The following POM121L2 variants were observed in gnomAD, a reference collection of about 807,000 sequenced individuals.
POM121L2 encodes POM121 transmembrane nucleoporin like 2.
For missense variants in POM121L2, 1,167 were observed against 1,260.3 expected (o/e 0.93, Z 1.12); for synonymous variants, 459 against 483.8 (o/e 0.95, Z 0.67).
At position 27,312,227 on chromosome 6, in the gene POM121L2, C is replaced by A; in HGVS notation, c.-57G>T. On this transcript the variant is annotated 5_prime_UTR_variant, in exon 1 of 1. Coordinates refer to ENST00000444565, the MANE Select transcript of POM121L2 (RefSeq NM_033482.4). The surrounding 1 kb of genome is among the most constrained non-coding windows in gnomAD (Gnocchi z 6.7). ...AGCACGGTTTTGGCTTCCGAGGTTT[C>A]GGACGTCTGCAGAATCGGACAGAGT... is the stretch of plus-strand genomic sequence containing the variant. 1 of 1,087,752 alleles carries A rather than the reference C, an allele frequency of 9.2e-7. No homozygotes were observed. The allele number at this position is 1,087,752 out of a possible 1,614,324, so 67.4% of individuals were successfully genotyped here. A position where few individuals can be genotyped will look rare whatever the true frequency, so the allele number is the denominator to read the frequency against.
rs1459830350 is a variant in POM121L2, at chr6:27,309,944, G to A, written c.2227C>T (p.Pro743Ser). The A allele has an allele frequency of 3.2e-6, 5 of 1,551,830 alleles. No individual in the cohort carries two copies. Among genetic ancestry groups the A allele is most frequent in the Non-Finnish European group, 4.4e-6 (5 of 1,147,032 alleles). ...GCTGGAGTCAGGTTGGAGATGCTGG[G>A]GGTTGATGCAAGCCAGTTTGTGGAT... ...LVSTNWLAST[P>S]SISNLTPAIT... is the part of the protein sequence containing the mutation. The change falls in exon 1 of 1, where the codon CCC becomes TCC. Residue 743 changes from proline (P) to serine (S), a missense_variant. Pro to Ser is a moderately conservative substitution (Grantham distance 74, BLOSUM62 -1). Transcript: ENST00000444565.
rs1760718491 is a variant in POM121L2, at chr6:27,309,754, A to G, written c.2417T>C (p.Val806Ala). The change falls in exon 1 of 1, where the codon GTG becomes GCG. Residue 806 changes from valine (V) to alanine (A), a missense_variant. Coordinates refer to ENST00000444565, the MANE Select transcript of POM121L2 (RefSeq NM_033482.4). ...AGTTGGCATGGGGGTTGGCAATGCCACTGCTGAGCTCCCAAAAAGAAAAGA... is the reference window on the plus strand; with the variant it reads ...AGTTGGCATGGGGGTTGGCAATGCCGCTGCTGAGCTCCCAAAAAGAAAAGA... The part of the protein sequence containing the change: ...SSSFLFGSSA[V>A]ALPTPMPTPA... 1 of 1,551,556 alleles carries G rather than the reference A, an allele frequency of 6.4e-7. No individual in the cohort carries two copies. Among genetic ancestry groups the G allele is most frequent in the African/African-American group, 1.4e-5 (1 of 73,032 alleles).
At position 27,312,072 on chromosome 6, in the gene POM121L2, C is replaced by A; in HGVS notation, c.99G>T (p.Gln33His). Residue 33 changes from glutamine to histidine, a missense_variant, in exon 1 of 1, where the codon CAG becomes CAT. Gln to His is a conservative substitution (Grantham distance 24). Transcript: ENST00000444565. The surrounding 1 kb of genome is among the most constrained non-coding windows in gnomAD (Gnocchi z 6.7). ...GAACCCGATGAACTTGGTGAAGGGGCTGAGGTGGCCGGCGTTTCGTGGGCC... is the reference window on the plus strand; with the variant it reads ...GAACCCGATGAACTTGGTGAAGGGGATGAGGTGGCCGGCGTTTCGTGGGCC... ...PERPTKRRPP[Q>H]PLHQVHRVQF... 6.7e-7 allele frequency: 1 copy of A among 1,499,970 alleles called. No homozygotes were observed. Among genetic ancestry groups the A allele is most frequent in the Non-Finnish European group, 8.9e-7 (1 of 1,121,860 alleles). 92.9% of individuals were successfully genotyped at this position (1,499,970 alleles called of 1,614,324 possible).
chr6:27,310,013 T>G lies in POM121L2; in HGVS notation c.2158A>C (p.Asn720His). ...AGAGGGCTGCCCATACCCCTGAAATTAGCAGTGCTGCTTCTAGGGGATATC... is the reference window on the plus strand; with the variant it reads ...AGAGGGCTGCCCATACCCCTGAAATGAGCAGTGCTGCTTCTAGGGGATATC... ...VQISPRSSTA[N>H]FRGMGSPLPA... is the part of the protein sequence containing the mutation. Residue 720 changes from asparagine to histidine, a missense_variant, in exon 1 of 1, where the codon AAT becomes CAT. Asn to His is a moderately conservative substitution (Grantham distance 68, BLOSUM62 1). Coordinates refer to ENST00000444565, the MANE Select transcript of POM121L2 (RefSeq NM_033482.4). The G allele has an allele frequency of 2.6e-6, 4 of 1,552,052 alleles. No individual in the cohort carries two copies. The highest frequency in any genetic ancestry group is 3.5e-6 in the Non-Finnish European group (4 of 1,147,068).
In POM121L2 at chr6:27,310,992, T is replaced by TGAAGAAGGCAGAGCAAGAGAC. The variant is rs1196885598; in HGVS notation, c.1158_1178dup (p.Ser387_Ser393dup). 1.5e-4 allele frequency: 232 copies of TGAAGAAGGCAGAGCAAGAGAC among 1,552,136 alleles called. No homozygotes were observed. Among genetic ancestry groups the TGAAGAAGGCAGAGCAAGAGAC allele is most frequent in the Non-Finnish European group, 1.7e-4 (195 of 1,147,124 alleles). The stretch of plus-strand genomic sequence containing the variant: ...TTGCTCCCTGGGTTAGATCTGTTTC[T>TGAAGAAGGCAGAGCAAGAGAC]GAAGAAGGCAGAGCAAGAGACAAGG... On this transcript the variant is annotated inframe_insertion, in exon 1 of 1. Transcript: ENST00000444565.
chr6:27,311,423 T>C lies in POM121L2; in HGVS notation c.748A>G (p.Ser250Gly), dbSNP rs1230768248. 6 of 1,551,730 alleles carry C rather than the reference T, an allele frequency of 3.9e-6. No individual in the cohort carries two copies. Among genetic ancestry groups the C allele is most frequent in the East Asian group, 2.4e-5 (1 of 40,938 alleles). Residue 250 changes from serine (S) to glycine (G), a missense_variant, in exon 1 of 1, where the codon AGC becomes GGC. By Grantham distance (56) the Ser-to-Gly change is moderately conservative. Transcript: ENST00000444565. ...LASIYRGGTL[S>G]SKRNAIGSSY... ...CTGCCAATAGCATTCCTTTTGGAGC[T>C]GAGGGTGCCACCTCTGTATATGCTG...
Position 27,310,914 on chromosome 6 carries a change from G to A in POM121L2, c.1257C>T (p.Ala419=), listed in dbSNP as rs1019268160. The A allele has an allele frequency of 7.7e-6, 12 of 1,551,746 alleles. No homozygotes were observed. The African/African-American group carries it at 1.2e-4, about 16-fold the overall frequency. Residue 419 remains alanine (A), a synonymous_variant, in exon 1 of 1, where the codon GCC becomes GCT. Coordinates refer to ENST00000444565, the MANE Select transcript of POM121L2 (RefSeq NM_033482.4). The stretch of plus-strand genomic sequence containing the variant: ...TTGCCTCTCCCGTGGACTGTGGAGA[G>A]GCCAGTGGACCTAGAGACTTCTGCA... ...RKMQKSLGPL[A]SPQSTGEATS...
chr6:27,311,618 T>A (rs1316352044), upstream of POM121L2: 1 of 1,551,670 alleles, frequency 6.4e-7, no homozygotes, highest in East Asian at 2.4e-5. Context: ...CTCCTTCTCT[T>A]ACTGTCCAGA....
rs367780723 is a variant in POM121L2, at chr6:27,311,530, G to C, written c.641C>G (p.Pro214Arg). 2 of 1,551,628 alleles carry C rather than the reference G, an allele frequency of 1.3e-6. No individual in the cohort carries two copies. Among genetic ancestry groups the C allele is most frequent in the African/African-American group, 2.7e-5 (2 of 73,056 alleles). The stretch of plus-strand genomic sequence containing the variant: ...CCAGGAGTGGAGACTTCTCTTCAGC[G>C]GCCCAGGCCTGGGCACAAAAGAAGT... Reference protein sequence around the residue: ...TLTSFVPRPGPLKRSLHSWGS... With the variant: ...TLTSFVPRPGRLKRSLHSWGS... The change falls in exon 1 of 1, where the codon CCG (proline) becomes CGG (arginine). Residue 214 changes from proline (P) to arginine (R), a missense_variant. Pro to Arg is a moderately radical substitution (Grantham distance 103). Transcript: ENST00000444565.
chr6:27,310,311 G>A lies in POM121L2; in HGVS notation c.1860C>T (p.Thr620=). ...CTAGGGTGGTGGACATGACCACAGA[G>A]GTGGCCTTGACCAGGCCATGGAAAT... ...THHFHGLVKA[T]SVVMSTTLAS... Residue 620 remains threonine (T), a synonymous_variant, in exon 1 of 1, where the codon ACC becomes ACT. Coordinates refer to ENST00000444565, the MANE Select transcript of POM121L2 (RefSeq NM_033482.4). 1.3e-6 allele frequency: 2 copies of A among 1,552,302 alleles called. No individual in the cohort carries two copies. Among genetic ancestry groups the A allele is most frequent in the Non-Finnish European group, 1.7e-6 (2 of 1,147,112 alleles).
At position 27,308,863 on chromosome 6, in the gene POM121L2, C is replaced by T. The variant is rs1435051645; in HGVS notation, c.*200G>A. Among the ~76,000 whole-genome samples, 2 of 152,170 alleles carry T rather than the reference C, an allele frequency of 1.3e-5. No individual in the cohort carries two copies. The highest frequency in any genetic ancestry group is 4.8e-5 in the African/African-American group (2 of 41,442). ...TCAAGTCCAATGGGTTTGGTTCCAC[C>T]TGGCCTCAATCTGCAATCAGCACTA... is the stretch of plus-strand genomic sequence containing the variant. On this transcript the variant is annotated 3_prime_UTR_variant, in exon 1 of 1. Coordinates refer to ENST00000444565, the MANE Select transcript of POM121L2 (RefSeq NM_033482.4).
chr6:27,310,758 G>A lies in POM121L2; in HGVS notation c.1413C>T (p.Thr471=). Residue 471 remains threonine (T), a synonymous_variant, in exon 1 of 1, where the codon ACC becomes ACT. Transcript: ENST00000444565. ...TGTCAGTAACTGGTAATGTGGGAGA[G>A]GTGGGGGTCAGCAGGATGAAAGTAG... ...PTATFILLTP[T]SPTLPVTDTT... 6.4e-7 allele frequency: 1 copy of A among 1,551,902 alleles called. No homozygotes were observed.
At position 27,309,478 on chromosome 6, in the gene POM121L2, A is replaced by G. The variant is rs973872622; in HGVS notation, c.2693T>C (p.Met898Thr). The change falls in exon 1 of 1, where the codon ATG becomes ACG. Residue 898 changes from methionine (M) to threonine (T), a missense_variant. Physicochemically the swap from Met to Thr is moderately conservative, Grantham distance 81. Coordinates refer to ENST00000444565, the MANE Select transcript of POM121L2 (RefSeq NM_033482.4). ...PFTFGGFVTPMDCDESGIIMT... is the reference protein window; with the variant it reads ...PFTFGGFVTPTDCDESGIIMT... ...TATGATCCCAGACTCATCACAGTCC[A>G]TAGGGGTCACGAATCCCCCAAAAGT... The G allele has an allele frequency of 1.4e-5, 22 of 1,551,912 alleles. No individual in the cohort carries two copies. The highest frequency in any genetic ancestry group is 1.9e-5 in the Non-Finnish European group (22 of 1,147,042).
In POM121L2 at chr6:27,308,607, A is replaced by G. The variant is rs1760701593; in HGVS notation, c.*456T>C. Among the ~76,000 whole-genome samples, 1 of 152,236 alleles carries G rather than the reference A, an allele frequency of 6.6e-6. No homozygotes were observed. Among genetic ancestry groups the G allele is most frequent in the Admixed American group, 6.5e-5 (1 of 15,290 alleles). On this transcript the variant is annotated 3_prime_UTR_variant, in exon 1 of 1. Transcript: ENST00000444565. ...AAGGAAGCCAGTCTCCAAAGGTTAC[A>G]TACTGTTTGATTCCATTTAAGTGAC... is the stretch of plus-strand genomic sequence containing the variant.
Position 27,312,139 on chromosome 6 carries a change from G to C in POM121L2, c.32C>G (p.Ser11Trp). 1 of 1,454,198 alleles carries C rather than the reference G, an allele frequency of 6.9e-7. No homozygotes were observed. Among genetic ancestry groups the C allele is most frequent in the Non-Finnish European group, 9.1e-7 (1 of 1,101,818 alleles). The allele number at this position is 1,454,198 out of a possible 1,614,324, so 90.1% of individuals were successfully genotyped here. A position where few individuals can be genotyped will look rare whatever the true frequency, so the allele number is the denominator to read the frequency against. The change falls in exon 1 of 1, where the codon TCG becomes TGG. Residue 11 changes from serine (S) to tryptophan (W), a missense_variant. Ser to Trp is a radical substitution (Grantham distance 177). Coordinates refer to ENST00000444565, the MANE Select transcript of POM121L2 (RefSeq NM_033482.4). This position sits in a 1 kb window ranked among gnomAD's most constrained non-coding sequence, Gnocchi z 6.7. ...GCGCACCTGGGCTGGGGACGAGGGC[G>C]AAAGTTCCAGTTTGCTCAGGAAACT... MGSFLSKLELSPSSPAQVRTD... is the reference protein window; with the variant it reads MGSFLSKLELWPSSPAQVRTD...
chr6:27,312,232 G>A lies in POM121L2; in HGVS notation c.-62C>T. On this transcript the variant is annotated 5_prime_UTR_variant, in exon 1 of 1. It adds an upstream start codon to the 5' untranslated region. Transcript: ENST00000444565. This position sits in a 1 kb window ranked among gnomAD's most constrained non-coding sequence, Gnocchi z 6.7. Reference sequence around the variant, plus strand: ...GGTTTTGGCTTCCGAGGTTTCGGACGTCTGCAGAATCGGACAGAGTCGAAG... The same window carrying A: ...GGTTTTGGCTTCCGAGGTTTCGGACATCTGCAGAATCGGACAGAGTCGAAG... 1 of 1,054,972 alleles carries A rather than the reference G, an allele frequency of 9.5e-7. No homozygotes were observed. The highest frequency in any genetic ancestry group is 1.6e-5 in the African/African-American group (1 of 62,534). The allele number at this position is 1,054,972 out of a possible 1,614,324, so 65.4% of individuals were successfully genotyped here.
In POM121L2 at chr6:27,309,561, C is replaced by G. The variant is rs762410068; in HGVS notation, c.2610G>C (p.Gln870His). 6.4e-7 allele frequency: 1 copy of G among 1,552,034 alleles called. No individual in the cohort carries two copies. Among genetic ancestry groups the G allele is most frequent in the Non-Finnish European group, 8.7e-7 (1 of 1,147,076 alleles). ...AGCCAAAAGCCCCACTTTGGTGGGT[C>G]TGAATTACAATTCTAAACCCAGTTG... is the stretch of plus-strand genomic sequence containing the variant. ...ASTTGFRIVIQTHQSGAFGSV... is the reference protein window; with the variant it reads ...ASTTGFRIVIHTHQSGAFGSV... The change falls in exon 1 of 1, where the codon CAG becomes CAC. Residue 870 changes from glutamine to histidine, a missense_variant. By Grantham distance (24) the Gln-to-His change is conservative (BLOSUM62 0). Transcript: ENST00000444565.
rs1760755275 is a variant in POM121L2, at chr6:27,312,063, G to A, written c.108C>T (p.His36=). The part of the protein sequence containing the change: ...PTKRRPPQPL[H]QVHRVQFVHR... Reference sequence around the variant, plus strand: ...GGACGAACTGAACCCGATGAACTTGGTGAAGGGGCTGAGGTGGCCGGCGTT... The same window carrying A: ...GGACGAACTGAACCCGATGAACTTGATGAAGGGGCTGAGGTGGCCGGCGTT... The change falls in exon 1 of 1, where the codon CAC becomes CAT. Residue 36 remains histidine, a synonymous_variant. Transcript: ENST00000444565. This position sits in a 1 kb window ranked among gnomAD's most constrained non-coding sequence, Gnocchi z 6.7. 2.0e-6 allele frequency: 3 copies of A among 1,519,370 alleles called. No homozygotes were observed. Among genetic ancestry groups the A allele is most frequent in the Non-Finnish European group, 2.7e-6 (3 of 1,129,012 alleles). 94.1% of individuals were successfully genotyped at this position (1,519,370 alleles called of 1,614,324 possible). A position where few individuals can be genotyped will look rare whatever the true frequency, so the allele number is the denominator to read the frequency against.
In POM121L2 at chr6:27,309,051, AG is replaced by A; in HGVS notation, c.*11del. On this transcript the variant is annotated 3_prime_UTR_variant, in exon 1 of 1. Coordinates refer to ENST00000444565, the MANE Select transcript of POM121L2 (RefSeq NM_033482.4). ...AGGTCTAAATCAGGGTGCAAGTGAC[AG>A]GGAACACAGGCTACTTCTTGTAGGC... 6.5e-7 allele frequency: 1 copy of A among 1,530,690 alleles called. No homozygotes were observed. Among genetic ancestry groups the A allele is most frequent in the East Asian group, 2.5e-5 (1 of 40,734 alleles). 94.8% of individuals were successfully genotyped at this position (1,530,690 alleles called of 1,614,324 possible).
Sources: allele counts gnomAD v4.1 joint callset (sites outside exome capture counted in the v4.1 genomes callset), GRCh38; gene constraint gnomAD v4.1.1; non-coding constraint Gnocchi (gnomAD v3.1); transcripts MANE v1.5; gene names NCBI Gene and HGNC (gene_info 2026-07-23, HGNC 2026-07-21).